FER1L6: variants seen among roughly 807,000 people sequenced by gnomAD.
FER1L6 encodes fer-1-like protein 6.
A neutral mutation model predicts 219.2 loss-of-function variants in FER1L6; 177 were observed. The ratio of observed to expected loss-of-function variants is 0.81; its 90% confidence interval spans 0.71 to 0.91. The LOEUF (loss-of-function observed/expected upper bound fraction) is 0.91. Among genes scored for constraint, FER1L6 ranks in the 40% least tolerant of loss-of-function variants. The pLI is 0.00. For missense variants in FER1L6, 2,153 were observed against 2,259.9 expected (o/e 0.95, Z 0.96); for synonymous variants, 768 against 824.3 (o/e 0.93, Z 1.17).
chr8:123,927,587 T>C (rs150237529), intron 1 of FER1L6, among the ~76,000 whole-genome samples: 6 of 152,338 alleles, frequency 3.9e-5, no homozygotes, highest in Non-Finnish European at 7.3e-5. Context: ...AACCTTTACG[T>C]TGGTTTTTTG....
At chr8:123,894,161 C>T (rs1169306803) in intron 1 of FER1L6, among the ~76,000 whole-genome samples, 1 of 152,168 alleles carries the variant, frequency 6.6e-6, no homozygotes, top group African/African-American at 2.4e-5. Flanking sequence ...TACCAGGCCT[C>T]TCAAAATGTA....
intron 1 of FER1L6, among the ~76,000 whole-genome samples, chr8:123,872,241 C>T (rs1816936270): frequency 6.6e-6 from 1 of 152,172 alleles, no homozygotes. Flanking sequence ...TCCCACCAGG[C>T]CCCACCTCAA....
intron 39 of FER1L6, among the ~76,000 whole-genome samples, chr8:124,109,272 T>C (rs1356216416): frequency 5.9e-5 from 9 of 152,186 alleles, no homozygotes; most frequent in Non-Finnish European, 1.2e-4. Context: ...GACGTTTACA[T>C]AGGGCCCAGG....
intron 13 of FER1L6, 22 bp from the exon 14 acceptor site, chr8:124,010,572 C>T (rs1817876281): frequency 6.2e-7 from 1 of 1,612,472 alleles, no homozygotes; most frequent in Admixed American, 1.7e-5. Flanking sequence ...CAGCTAACTT[C>T]CAGACCTAAT....
At chr8:123,979,016 C>T (rs752280728) in intron 10 of FER1L6, among the ~76,000 whole-genome samples, 16 of 152,106 alleles carry the variant, frequency 1.1e-4, no homozygotes, top group Non-Finnish European at 1.6e-4. Flanking sequence ...ACATCAGGAC[C>T]ATAAAATCTT....
At chr8:123,859,295 C>G (rs1182765709) in intron 1 of FER1L6, among the ~76,000 whole-genome samples, 1 of 152,202 alleles carries the variant, frequency 6.6e-6, no homozygotes, top group Non-Finnish European at 1.5e-5. Flanking sequence ...GCCACCATGC[C>G]TAGCCTATTT....
intron 37 of FER1L6, among the ~76,000 whole-genome samples, chr8:124,098,214 TTA>T (rs1822394035): frequency 1.3e-5 from 2 of 152,236 alleles, no homozygotes. Context: ...TAATGAAAGA[TTA>T]ATATGTTGAA....
intron 13 of FER1L6, among the ~76,000 whole-genome samples, chr8:124,005,901 A>T (rs1385777313): frequency 2.6e-5 from 4 of 152,200 alleles, no homozygotes; most frequent in African/African-American, 9.7e-5. Context: ...AAATAGTCTT[A>T]GCTGTTTGTC....
intron 1 of FER1L6, among the ~76,000 whole-genome samples, chr8:123,858,468 C>T (rs1289860640): frequency 6.6e-6 from 1 of 152,178 alleles, no homozygotes; most frequent in Non-Finnish European, 1.5e-5. Context: ...ATGCTTATTT[C>T]TTGCTGACTG....
At chr8:124,106,988 G>A (rs760041261) in intron 39 of FER1L6, among the ~76,000 whole-genome samples, 35 of 137,130 alleles carry the variant, frequency 2.6e-4, no homozygotes, top group Non-Finnish European at 4.1e-4. Flanking sequence ...TCGCTCTGTC[G>A]CCCAGGCTGG....
At chr8:123,892,047 C>T (rs1312436291) in intron 1 of FER1L6, among the ~76,000 whole-genome samples, 2 of 152,146 alleles carry the variant, frequency 1.3e-5, no homozygotes, top group African/African-American at 4.8e-5. Context: ...GCTTAGATCG[C>T]TGTTTAGTAG....
At chr8:123,981,400 C>T (rs1191801727) in intron 11 of FER1L6, among the ~76,000 whole-genome samples, 1 of 152,192 alleles carries the variant, frequency 6.6e-6, no homozygotes, top group Non-Finnish European at 1.5e-5. Flanking sequence ...TGAATATTCT[C>T]TCTACTGTTT....
At chr8:124,022,814 G>T (rs1012787534) in intron 17 of FER1L6, among the ~76,000 whole-genome samples, 1 of 114,450 alleles carries the variant, frequency 8.7e-6, no homozygotes, top group African/African-American at 2.9e-5. Context: ...TGTTTGTCCT[G>T]CAGATGAGAA....
At chr8:124,016,701 A>G (rs1455958930) in intron 15 of FER1L6, among the ~76,000 whole-genome samples, 3 of 152,254 alleles carry the variant, frequency 2.0e-5, no homozygotes, top group South Asian at 2.1e-4. Flanking sequence ...ACAGGTGCAC[A>G]TAATAGATAT....
chr8:123,877,614 C>T (rs1217125351), intron 1 of FER1L6, among the ~76,000 whole-genome samples: 1 of 152,078 alleles, frequency 6.6e-6, no homozygotes, highest in African/African-American at 2.4e-5. Context: ...TGAGAACTCT[C>T]ACTGGTAGCC....
chr8:124,092,443 C>G (rs183767821), intron 34 of FER1L6, among the ~76,000 whole-genome samples: 1 of 152,180 alleles, frequency 6.6e-6, no homozygotes, highest in Admixed American at 6.5e-5. Flanking sequence ...CAAATTACCC[C>G]CATAAATGTT....
intron 18 of FER1L6, among the ~76,000 whole-genome samples, chr8:124,029,596 C>T (rs1818869796): frequency 6.6e-6 from 1 of 152,022 alleles, no homozygotes; most frequent in Non-Finnish European, 1.5e-5. Context: ...ATGTCATTTG[C>T]CCTCCTTTTA....
chr8:124,059,513 C>A (rs187070515), intron 22 of FER1L6, among the ~76,000 whole-genome samples: 6 of 152,226 alleles, frequency 3.9e-5, no homozygotes, highest in Admixed American at 1.3e-4. Context: ...GTGGGATGGC[C>A]TACACAGTGA....
chr8:124,016,400 T>C (rs1344152355), intron 15 of FER1L6, among the ~76,000 whole-genome samples: 1 of 152,170 alleles, frequency 6.6e-6, no homozygotes, highest in African/African-American at 2.4e-5. Context: ...AGACTTTCCT[T>C]TTTGTTTCCT....
Sources: gnomAD v4.1 joint callset for allele counts (sites outside exome capture counted in the v4.1 genomes callset) on GRCh38, gnomAD v4.1.1 for gene constraint, MANE v1.5 for transcripts, NCBI Gene and HGNC (gene_info 2026-07-23, HGNC 2026-07-21) for gene names.